SLTM: variants seen among roughly 807,000 people sequenced by gnomAD.
SLTM encodes SAFB-like transcription modulator.
In SLTM, 43 loss-of-function variants were observed where a neutral mutation model predicts 134.6. The observed-to-expected ratio is 0.32, with a 90% confidence interval of 0.25 to 0.41. The LOEUF is 0.41. Ranked by LOEUF, SLTM falls within the 10% of genes least tolerant of loss-of-function variation. The probability of loss-of-function intolerance (pLI) is 1.00; values close to 1 mark genes in which losing one functional copy is unlikely to be tolerated. For synonymous variants in SLTM, 424 were observed against 432.3 expected (o/e 0.98, Z 0.24); for missense variants, 1,055 against 1,288.8 (o/e 0.82, Z 2.78).
At position 58,889,510 on chromosome 15, in the gene SLTM, T is replaced by C; in HGVS notation, c.2124A>G (p.Glu708=). The change falls in exon 16 of 21, where the codon GAA becomes GAG. Residue 708 remains glutamate, a synonymous_variant. Transcript: ENST00000380516. ...GAAGCTGCTGTTGTTGCCTTCTGAG[T>C]TCCTCTCTTTCTCGAGCAATCCGTT... ...EAERIARERE[E]LRRQQQQLRY... is the part of the protein sequence containing the mutation. 1 of 1,614,108 alleles carries C rather than the reference T, an allele frequency of 6.2e-7. No homozygotes were observed. Among genetic ancestry groups the C allele is most frequent in the East Asian group, 2.2e-5 (1 of 44,872 alleles).
chr15:58,927,657 G>A (rs180992399), intron 2 of SLTM, among the ~76,000 whole-genome samples: 23 of 152,026 alleles, frequency 1.5e-4, no homozygotes, highest in Admixed American at 1.2e-3. Context: ...CACTTATTAC[G>A]TGCCATGCTC....
At chr15:58,885,779 A>T (rs1412103132) in intron 19 of SLTM, among the ~76,000 whole-genome samples, 2 of 151,960 alleles carry the variant, frequency 1.3e-5, no homozygotes, top group Non-Finnish European at 2.9e-5. Flanking sequence ...GTAAGACTCC[A>T]TCTCAAAAAA....
At position 58,879,949 on chromosome 15, in the gene SLTM, T is replaced by A; in HGVS notation, c.*50A>T. On this transcript the variant is annotated 3_prime_UTR_variant, in exon 21 of 21. Transcript: ENST00000380516. ...TCTTCATAAGTAGTCAAGTAAAGTT[T>A]ACAGGAGATTTCAATAAATTATCTT... is the stretch of plus-strand genomic sequence containing the variant. 6.3e-7 allele frequency: 1 copy of A among 1,599,782 alleles called. No homozygotes were observed. Among genetic ancestry groups the A allele is most frequent in the South Asian group, 1.1e-5 (1 of 89,210 alleles).
intron 2 of SLTM, among the ~76,000 whole-genome samples, chr15:58,929,068 G>A (rs1181975827): frequency 2.0e-5 from 3 of 152,136 alleles, no homozygotes; most frequent in South Asian, 2.1e-4. Flanking sequence ...CGCACTGAAG[G>A]AAAAGTGGCA....
At position 58,893,384 on chromosome 15, in the gene SLTM, TAAA is replaced by T; in HGVS notation, c.1649-23_1649-21del. 6.5e-7 allele frequency: 1 copy of T among 1,532,982 alleles called. No individual in the cohort carries two copies. Among genetic ancestry groups the T allele is most frequent in the Non-Finnish European group, 8.9e-7 (1 of 1,128,152 alleles). The allele number at this position is 1,532,982 out of a possible 1,614,324, so 95.0% of individuals were successfully genotyped here. A position where few individuals can be genotyped will look rare whatever the true frequency, so the allele number is the denominator to read the frequency against. On this transcript the variant is annotated intron_variant, in intron 12 of 20. Coordinates refer to ENST00000380516, the MANE Select transcript of SLTM (RefSeq NM_024755.4). Reference sequence around the variant, plus strand: ...TGGAACCTAAGGGAAAAAAATTATATAAAACAATGTCTAAAATTTTTCATTGAG... The same window carrying T: ...TGGAACCTAAGGGAAAAAAATTATATACAATGTCTAAAATTTTTCATTGAG...
intron 9 of SLTM, among the ~76,000 whole-genome samples, chr15:58,896,852 A>G (rs2035118283): frequency 6.6e-6 from 1 of 152,194 alleles, no homozygotes. Flanking sequence ...TATCATGATG[A>G]ATAAACTTAT....
chr15:58,893,394 T>A (rs950484596), intron 12 of SLTM, 30 bp from the exon 13 acceptor site: 3 of 1,491,238 alleles, frequency 2.0e-6, no homozygotes, highest in Non-Finnish European at 1.8e-6. Context: ...TAAAACAATG[T>A]CTAAAATTTT....
intron 2 of SLTM, among the ~76,000 whole-genome samples, chr15:58,925,918 A>C (rs1227582027): frequency 3.9e-5 from 6 of 152,232 alleles, no homozygotes. Flanking sequence ...AAATAAAGCA[A>C]TGTAGAAGTT....
Position 58,887,060 on chromosome 15 carries a change from G to A in SLTM, c.2750C>T (p.Pro917Leu). The change falls in exon 19 of 21, where the codon CCC (proline) becomes CTC (leucine). Residue 917 changes from proline (P) to leucine (L), a missense_variant. Pro to Leu is a moderately conservative substitution (Grantham distance 98). This residue lies in a region of SLTM where 776 missense variants were observed against 962.2 expected (regional missense o/e 0.81). Coordinates refer to ENST00000380516, the MANE Select transcript of SLTM (RefSeq NM_024755.4). The stretch of plus-strand genomic sequence containing the variant: ...CGAAGCGCTGCTACGATTCCCAGGG[G>A]GAGCGCCTCTCACACTGTGCCCTGA... ...EVSGHSVRGA[P>L]PGNRSSASGY... 1 of 1,613,810 alleles carries A rather than the reference G, an allele frequency of 6.2e-7. No homozygotes were observed.
chr15:58,906,889 A>G (rs1380813726), intron 5 of SLTM, among the ~76,000 whole-genome samples: 1 of 152,220 alleles, frequency 6.6e-6, no homozygotes, highest in Non-Finnish European at 1.5e-5. Context: ...GTACGATAGA[A>G]CTCAGAAAAC....
chr15:58,927,102 T>C (rs142655158), intron 2 of SLTM, among the ~76,000 whole-genome samples: 69 of 152,238 alleles, frequency 4.5e-4, no homozygotes, highest in African/African-American at 1.6e-3. Flanking sequence ...TACATATCAA[T>C]GTGTAAGGAG....
chr15:58,933,639 G>A lies in SLTM; in HGVS notation c.-74C>T, dbSNP rs1230661071. On this transcript the variant is annotated 5_prime_UTR_variant, in exon 1 of 21. Coordinates refer to ENST00000380516, the MANE Select transcript of SLTM (RefSeq NM_024755.4). ...CGGCAGCAGCGCCAACTTCCACCCA[G>A]GCCTCGGCGGCCGCCGGCGCCGCGC... The A allele has an allele frequency of 5.1e-5, 71 of 1,389,258 alleles. No homozygotes were observed. The highest frequency in any genetic ancestry group is 6.5e-5 in the Non-Finnish European group (70 of 1,075,994). The allele number at this position is 1,389,258 out of a possible 1,614,324, so 86.1% of individuals were successfully genotyped here.
intron 2 of SLTM, among the ~76,000 whole-genome samples, chr15:58,929,241 G>A (rs1277428359): frequency 6.6e-6 from 1 of 152,122 alleles, no homozygotes; most frequent in African/African-American, 2.4e-5. Flanking sequence ...ACCTGAGGTT[G>A]GGAGTTCAAG....
intron 14 of SLTM, among the ~76,000 whole-genome samples, chr15:58,892,197 A>G (rs1432729420): frequency 6.6e-6 from 1 of 152,204 alleles, no homozygotes. Flanking sequence ...ACTATAAAAC[A>G]CACCCACAAG....
At chr15:58,902,646 CCTCCCAA>C (rs2035567607) in intron 5 of SLTM, among the ~76,000 whole-genome samples, 2 of 152,078 alleles carry the variant, frequency 1.3e-5, no homozygotes, top group Admixed American at 1.3e-4. Flanking sequence ...CCTGCCTCAG[CCTCCCAA>C]AGTTCTAGGA....
chr15:58,887,017 C>G lies in SLTM; in HGVS notation c.2793G>C (p.Glu931Asp). ...GGTCTGTGATGACTCCTCTGTCTCC[C>G]TCTCTGCTCCCGTACCCCGAAGCGC... is the stretch of plus-strand genomic sequence containing the variant. ...RSSASGYGSR[E>D]GDRGVITDRG... Residue 931 changes from glutamate to aspartate, a missense_variant, in exon 19 of 21, where the codon GAG becomes GAC. By Grantham distance (45) the Glu-to-Asp change is conservative. Transcript: ENST00000380516. 1 of 1,613,160 alleles carries G rather than the reference C, an allele frequency of 6.2e-7. No individual in the cohort carries two copies. The highest frequency in any genetic ancestry group is 8.5e-7 in the Non-Finnish European group (1 of 1,180,030).
At chr15:58,926,816 G>A (rs2037505902) in intron 2 of SLTM, among the ~76,000 whole-genome samples, 1 of 152,094 alleles carries the variant, frequency 6.6e-6, no homozygotes, top group Admixed American at 6.5e-5. Flanking sequence ...GTTTCACCAT[G>A]TTGGCCAGGC....
rs746238392 is a variant in SLTM at position 58,933,396 on chromosome 15, G to A, written c.162+8C>T. ...TCCCGGTCCTTTCCGGTCCTCGCCGGGCCTCACCTGCTTGAGTCGGGAGAT... is the reference window on the plus strand; with the variant it reads ...TCCCGGTCCTTTCCGGTCCTCGCCGAGCCTCACCTGCTTGAGTCGGGAGAT... On this transcript the variant is annotated splice_region_variant and intron_variant, in intron 1 of 20. Transcript: ENST00000380516. The A allele has an allele frequency of 5.6e-5, 88 of 1,575,288 alleles. No individual in the cohort carries two copies. The highest frequency in any genetic ancestry group is 7.0e-5 in the Non-Finnish European group (81 of 1,160,914).
chr15:58,921,937 G>C (rs2037078707), intron 2 of SLTM, among the ~76,000 whole-genome samples: 1 of 151,924 alleles, frequency 6.6e-6, no homozygotes, highest in South Asian at 2.1e-4. Context: ...CACCACCCCA[G>C]CTAATTTTTG....
Sources: allele counts gnomAD v4.1 joint callset (sites outside exome capture counted in the v4.1 genomes callset), GRCh38; gene constraint gnomAD v4.1.1; regional missense constraint gnomAD v4.1.1; transcripts MANE v1.5; gene names NCBI Gene and HGNC (gene_info 2026-07-23, HGNC 2026-07-21).